ESR1: variants seen among roughly 807,000 people sequenced by gnomAD.
ESR1 encodes the protein estrogen receptor.
ESR1 carries 12 observed loss-of-function variants against 52.7 expected under a neutral mutation model. That is an observed-to-expected ratio of 0.23 (90% CI 0.15 to 0.37). ESR1 has a LOEUF of 0.37. ESR1 is among the 10% of genes least tolerant of loss of function. The pLI is 1.00. For synonymous variants in ESR1, 305 were observed against 316.8 expected (o/e 0.96, Z 0.39); for missense variants, 584 against 779.7 (o/e 0.75, Z 2.99).
chr6:152,034,647 C>A (rs926778), intron 5 of ESR1, among the ~76,000 whole-genome samples: 59,559 of 151,928 alleles, frequency 0.39, 13,847 homozygotes, highest in African/African-American at 0.65. Flanking sequence ...TAACTCTTTC[C>A]AAGCATTGAC....
chr6:151,732,289 T>C (rs1215752911), intron 2 of ESR1, among the ~76,000 whole-genome samples: 1 of 152,186 alleles, frequency 6.6e-6, no homozygotes, highest in Non-Finnish European at 1.5e-5. Flanking sequence ...ATGAGTTATT[T>C]AACTAAACTA....
chr6:152,077,769 CTTTG>C (rs756202957), intron 6 of ESR1, among the ~76,000 whole-genome samples: 1 of 152,180 alleles, frequency 6.6e-6, no homozygotes, highest in Non-Finnish European at 1.5e-5. Context: ...CCTGTAACCC[CTTTG>C]TTTTGGCCAA....
At chr6:152,091,950 G>A (rs1323387948) in intron 6 of ESR1, among the ~76,000 whole-genome samples, 1 of 152,168 alleles carries the variant, frequency 6.6e-6, no homozygotes, top group African/African-American at 2.4e-5. Context: ...TGGCTTGGGC[G>A]GGTTCCTAGG....
intron 1 of ESR1, among the ~76,000 whole-genome samples, chr6:151,823,453 T>C: frequency 6.6e-6 from 1 of 151,862 alleles, no homozygotes; most frequent in East Asian, 1.9e-4. Context: ...TTATTTGTTT[T>C]TTGTTTTTGT....
At chr6:151,875,788 C>T (rs1791703111) in intron 2 of ESR1, among the ~76,000 whole-genome samples, 1 of 152,136 alleles carries the variant, frequency 6.6e-6, no homozygotes, top group Non-Finnish European at 1.5e-5. Context: ...AACAGAAAGA[C>T]ATGATCAGAG....
rs143646186 is a variant in ESR1 at position 151,751,112 on chromosome 6, A to G, written c.-71+49107A>G. On this transcript the variant is annotated intron_variant, in intron 2 of 2. Coordinates refer to the ESR1 transcript ENST00000404742. ...CTTGGCATCAGCATTAGTGGCTTCA[A>G]TTTTTGGCTGAGCCTGACTTTGCCA... Among the ~76,000 whole-genome samples, 40 of 152,288 alleles carry G rather than the reference A, an allele frequency of 2.6e-4. No homozygotes were observed. In the East Asian group the frequency reaches 6.9e-3, roughly 26 times the overall value.
In ESR1 at chr6:152,122,361, G is replaced by A. The variant is rs1053890093; in HGVS notation, c.851-2905G>A. Reference sequence around the variant, plus strand: ...CTTTCGCCAAGATCAAGGTCCTCTTGTTGGTAGTTTGGGATTGCTTATGAC... The same window carrying A: ...CTTTCGCCAAGATCAAGGTCCTCTTATTGGTAGTTTGGGATTGCTTATGAC... On this transcript the variant is annotated intron_variant, in intron 6 of 6. Transcript: ENST00000427531. 7.4e-6 allele frequency: 12 copies of A among 1,611,294 alleles called. No individual in the cohort carries two copies. In the South Asian group the frequency reaches 8.8e-5, roughly 12 times the overall value.
At chr6:152,074,624 G>A (rs901143497) in intron 6 of ESR1, among the ~76,000 whole-genome samples, 1 of 152,174 alleles carries the variant, frequency 6.6e-6, no homozygotes, top group Admixed American at 6.5e-5. Context: ...GAGCACAATT[G>A]CTGGATTGTA....
intron 1 of ESR1, 133 bp from the exon 2 acceptor site, chr6:151,842,464 G>C: frequency 1.2e-6 from 1 of 849,592 alleles, no homozygotes; most frequent in Admixed American, 2.0e-5. Flanking sequence ...GACGGCAAGA[G>C]GTAATGAAAG....
intron 4 of ESR1, among the ~76,000 whole-genome samples, chr6:151,955,574 T>C (rs891108267): frequency 1.3e-5 from 2 of 151,760 alleles, no homozygotes; most frequent in East Asian, 1.9e-4. Flanking sequence ...AGAAGATAAA[T>C]CAATAAGCCA....
intron 4 of ESR1, among the ~76,000 whole-genome samples, chr6:152,003,693 G>A (rs1214765946): frequency 6.6e-6 from 1 of 151,890 alleles, no homozygotes; most frequent in Non-Finnish European, 1.5e-5. Context: ...CCAAAGAAAT[G>A]AATGCTTACA....
intron 2 of ESR1, among the ~76,000 whole-genome samples, chr6:151,761,234 C>T (rs1336981): frequency 0.74 from 111,892 of 151,652 alleles, 41,762 homozygotes; most frequent in African/African-American, 0.85. Context: ...AAAATATTTA[C>T]GTTTTAGCCT....
intron 2 of ESR1, among the ~76,000 whole-genome samples, chr6:151,874,754 G>T (rs1383219272): frequency 1.3e-5 from 2 of 152,106 alleles, no homozygotes; most frequent in Admixed American, 1.3e-4. Flanking sequence ...CATTTATAAG[G>T]ATTTTTATTT....
At position 151,869,533 on chromosome 6, in the gene ESR1, C is replaced by A. The variant is rs1293454458; in HGVS notation, c.644-11122C>A. 3.9e-5 allele frequency among the ~76,000 whole-genome samples: 6 copies of A among 152,084 alleles called. No homozygotes were observed. In the East Asian group the frequency reaches 1.2e-3, roughly 29 times the overall value. Reference sequence around the variant, plus strand: ...GATTTCATTATGTTTTCCTTTATTGCAGCTGTTGGTTTGATCCTTTGCCAG... The same window carrying A: ...GATTTCATTATGTTTTCCTTTATTGAAGCTGTTGGTTTGATCCTTTGCCAG... On this transcript the variant is annotated intron_variant, in intron 2 of 7. Coordinates refer to ENST00000206249, the MANE Select transcript of ESR1 (RefSeq NM_000125.4).
chr6:151,977,022 A>G (rs2039504079), intron 4 of ESR1, among the ~76,000 whole-genome samples: 1 of 152,026 alleles, frequency 6.6e-6, no homozygotes, highest in Non-Finnish European at 1.5e-5. Context: ...GCCATGAAAA[A>G]CCCACTGAAA....
At chr6:152,057,971 T>C (rs1196883786) in intron 5 of ESR1, among the ~76,000 whole-genome samples, 2 of 152,156 alleles carry the variant, frequency 1.3e-5, no homozygotes, top group Non-Finnish European at 2.9e-5. Flanking sequence ...GGAGAATTGT[T>C]AAGTCTCCAC....
rs141960908 is a variant in ESR1 at position 151,934,898 on chromosome 6, T to A, written c.761-9275T>A. On this transcript the variant is annotated intron_variant, in intron 3 of 7. Coordinates refer to ENST00000206249, the MANE Select transcript of ESR1 (RefSeq NM_000125.4). Reference sequence around the variant, plus strand: ...CTCTGGCTTATATAATAGCTTGCCCTCTCAGGATTCTAGAGCCCCATATGT... The same window carrying A: ...CTCTGGCTTATATAATAGCTTGCCCACTCAGGATTCTAGAGCCCCATATGT... 6.0e-3 allele frequency among the ~76,000 whole-genome samples: 914 copies of A among 152,342 alleles called. 10 individuals are homozygous for A. The highest frequency in any genetic ancestry group is 0.019 in the African/African-American group (810 of 41,580).
intron 2 of ESR1, among the ~76,000 whole-genome samples, chr6:151,860,428 A>C (rs1788662343): frequency 6.6e-6 from 1 of 152,184 alleles, no homozygotes. Flanking sequence ...TTTCTCCACT[A>C]TTCCATGCCT....
At chr6:152,107,964 A>G (rs961328849), downstream of ESR1, among the ~76,000 whole-genome samples, 1 of 152,200 alleles carries the variant, frequency 6.6e-6, no homozygotes, top group Non-Finnish European at 1.5e-5. Context: ...CTAACCCAGC[A>G]AGGCTTCTGT....
Sources: gnomAD v4.1 joint callset for allele counts (sites outside exome capture counted in the v4.1 genomes callset) on GRCh38, gnomAD v4.1.1 for gene constraint, MANE v1.5 for transcripts, NCBI Gene and HGNC (gene_info 2026-07-23, HGNC 2026-07-21) for gene names.